The following HEMK2 variants were observed in gnomAD, a reference collection of about 807,000 sequenced individuals.
HEMK2 encodes HemK methyltransferase 2, ETF1 glutamine and histone H4 lysine.
the HEMK2 span, among the ~76,000 whole-genome samples, chr21:28,836,709 C>T: frequency 6.6e-6 from 1 of 152,062 alleles, no homozygotes; most frequent in Admixed American, 6.6e-5. Flanking sequence ...TTAAAAGATA[C>T]TGAACCACAG....
the HEMK2 span, among the ~76,000 whole-genome samples, chr21:28,809,625 A>C: frequency 6.6e-6 from 1 of 152,206 alleles, no homozygotes; most frequent in Admixed American, 6.5e-5. Context: ...CCCATGTCTA[A>C]TCCTATAAGA....
the HEMK2 span, among the ~76,000 whole-genome samples, chr21:28,716,447 T>G: frequency 6.6e-6 from 1 of 152,212 alleles, no homozygotes; most frequent in Non-Finnish European, 1.5e-5. Flanking sequence ...ACACTATTGA[T>G]GCATAGAAAT....
the HEMK2 span, among the ~76,000 whole-genome samples, chr21:28,694,210 T>G: frequency 1.3e-5 from 2 of 152,174 alleles, no homozygotes. Context: ...CTTTCCGTTT[T>G]CTCTTGTTTC....
At chr21:28,846,287 G>A in the HEMK2 span, among the ~76,000 whole-genome samples, 1 of 152,102 alleles carries the variant, frequency 6.6e-6, no homozygotes, top group Admixed American at 6.6e-5. Flanking sequence ...TGGTAGAAAT[G>A]ATTTCTATTC....
chr21:28,831,472 AAAGAAAGAAAGAAAGAAAG>A, the HEMK2 span, among the ~76,000 whole-genome samples: 212 of 37,828 alleles, frequency 5.6e-3, 13 homozygotes, highest in Middle Eastern at 0.058. Context: ...CGAAAGAAAG[AAAGAAAGAAAGAAAGAAAG>A]AAAGAAAGAA....
the HEMK2 span, chr21:28,885,153 A>C: frequency 6.8e-7 from 1 of 1,478,896 alleles, no homozygotes; most frequent in African/African-American, 1.4e-5. Flanking sequence ...GCCCTCCTCC[A>C]CCGCACTTCT....
the HEMK2 span, among the ~76,000 whole-genome samples, chr21:28,869,609 T>C: frequency 6.6e-6 from 1 of 152,126 alleles, no homozygotes; most frequent in African/African-American, 2.4e-5. Context: ...GGCTCGAAAA[T>C]CTCTCATGCA....
the HEMK2 span, among the ~76,000 whole-genome samples, chr21:28,680,090 T>C: frequency 3.5e-3 from 532 of 152,126 alleles, 1 homozygote; most frequent in African/African-American, 0.012. Flanking sequence ...AAAAACCCTT[T>C]AAAAAATCAA....
chr21:28,604,024 C>G, the HEMK2 span, among the ~76,000 whole-genome samples: 1 of 152,162 alleles, frequency 6.6e-6, no homozygotes, highest in African/African-American at 2.4e-5. Context: ...TGAACACAGT[C>G]CTTAGAATTA....
At chr21:28,847,723 G>T in the HEMK2 span, among the ~76,000 whole-genome samples, 6 of 152,094 alleles carry the variant, frequency 3.9e-5, no homozygotes, top group African/African-American at 1.4e-4. Flanking sequence ...CTATTTCCTA[G>T]ATTTTCTTCT....
At chr21:28,762,324 C>T in the HEMK2 span, among the ~76,000 whole-genome samples, 18,966 of 151,952 alleles carry the variant, frequency 0.12, 2,032 homozygotes, top group African/African-American at 0.28. Context: ...TTTTTAAATG[C>T]CTACAATATT....
At chr21:28,638,772 C>A in the HEMK2 span, among the ~76,000 whole-genome samples, 1 of 152,076 alleles carries the variant, frequency 6.6e-6, no homozygotes, top group Non-Finnish European at 1.5e-5. Flanking sequence ...GGCTGTCTGC[C>A]GGAGCTCCTT....
the HEMK2 span, among the ~76,000 whole-genome samples, chr21:28,729,729 G>A: frequency 1.3e-5 from 2 of 152,236 alleles, no homozygotes; most frequent in East Asian, 3.9e-4. Flanking sequence ...TGGGCCGCGT[G>A]TGGCCCACAG....
At chr21:28,779,442 T>A in the HEMK2 span, among the ~76,000 whole-genome samples, 1 of 152,158 alleles carries the variant, frequency 6.6e-6, no homozygotes, top group Admixed American at 6.5e-5. Flanking sequence ...GAGAGTAGAA[T>A]GATGGTTGCC....
At chr21:28,619,595 T>C in the HEMK2 span, among the ~76,000 whole-genome samples, 1 of 152,206 alleles carries the variant, frequency 6.6e-6, no homozygotes. Flanking sequence ...TTGGCTACCA[T>C]TAAAATCTTC....
At chr21:28,798,537 C>A in the HEMK2 span, among the ~76,000 whole-genome samples, 1 of 151,860 alleles carries the variant, frequency 6.6e-6, no homozygotes, top group African/African-American at 2.4e-5. Flanking sequence ...TTCTATTTAT[C>A]ACCCATAAAG....
At chr21:28,642,221 A>G in the HEMK2 span, among the ~76,000 whole-genome samples, 3 of 152,316 alleles carry the variant, frequency 2.0e-5, no homozygotes, top group Non-Finnish European at 2.9e-5. Context: ...GGCTGAATGC[A>G]TGTGTTCCCC....
the HEMK2 span, among the ~76,000 whole-genome samples, chr21:28,734,439 A>T: frequency 6.6e-6 from 1 of 152,210 alleles, no homozygotes; most frequent in Non-Finnish European, 1.5e-5. Flanking sequence ...ATAATTTGCA[A>T]TCATATTTAT....
the HEMK2 span, among the ~76,000 whole-genome samples, chr21:28,785,260 A>C: frequency 6.6e-6 from 1 of 152,328 alleles, no homozygotes; most frequent in African/African-American, 2.4e-5. Context: ...AGAACACACC[A>C]ATTCCAGACA....
Sources: allele counts gnomAD v4.1 joint callset (sites outside exome capture counted in the v4.1 genomes callset), GRCh38; gene constraint gnomAD v4.1.1; transcripts MANE v1.5; gene names NCBI Gene and HGNC (gene_info 2026-07-23, HGNC 2026-07-21).